The following PROX1 variants were observed in gnomAD, a reference collection of about 807,000 sequenced individuals.
The protein encoded by PROX1 is prospero homeobox 1, also known as prospero homeobox protein 1.
A neutral mutation model predicts 58.8 loss-of-function variants in PROX1; 7 were observed. The ratio of observed to expected loss-of-function variants is 0.12; its 90% CI spans 0.07 to 0.22. The LOEUF (loss-of-function observed/expected upper bound fraction) is 0.22. Among genes scored for constraint, PROX1 ranks in the 10% least tolerant of loss-of-function variants. The pLI is 1.00. For missense variants in PROX1, 675 were observed against 927.8 expected (o/e 0.73, Z 3.54); for synonymous variants, 350 against 358.3 (o/e 0.98, Z 0.26).
intron 4 of PROX1, among the ~76,000 whole-genome samples, chr1:214,016,902 C>T (rs940952932): frequency 6.6e-6 from 1 of 152,076 alleles, no homozygotes; most frequent in African/African-American, 2.4e-5. Context: ...TTTTAGCTCC[C>T]TGTGTCTTTT....
upstream of PROX1, chr1:213,984,103 TC>T (rs1662767709): frequency 6.6e-6 from 1 of 152,220 alleles, no homozygotes; most frequent in Non-Finnish European, 1.5e-5. Flanking sequence ...ACTTCACTAC[TC>T]CAGGGCAGGG....
chr1:214,015,287 G>A (rs1664055337), intron 4 of PROX1, among the ~76,000 whole-genome samples: 2 of 152,040 alleles, frequency 1.3e-5, no homozygotes, highest in Non-Finnish European at 2.9e-5. Flanking sequence ...GCAGGAGAGG[G>A]GTGTGTAATT....
At chr1:214,025,941 C>T (rs921704024) in intron 4 of PROX1, among the ~76,000 whole-genome samples, 4 of 152,224 alleles carry the variant, frequency 2.6e-5, no homozygotes, top group East Asian at 1.9e-4. Flanking sequence ...GGATTACAGG[C>T]GTGAGCCACC....
At chr1:213,987,094 C>T (rs575340257), upstream of PROX1, among the ~76,000 whole-genome samples, 5 of 152,238 alleles carry the variant, frequency 3.3e-5, no homozygotes, top group African/African-American at 1.2e-4. Context: ...AGGGTAATCG[C>T]CAGATGTTTG....
chr1:214,020,802 G>T (rs527486899), intron 4 of PROX1, among the ~76,000 whole-genome samples: 1 of 152,212 alleles, frequency 6.6e-6, no homozygotes, highest in Non-Finnish European at 1.5e-5. Flanking sequence ...GTTTTCAGGT[G>T]TAGTTAAAGG....
intron 2 of PROX1, among the ~76,000 whole-genome samples, chr1:214,002,106 T>C (rs1402984156): frequency 6.6e-6 from 1 of 152,212 alleles, no homozygotes; most frequent in Non-Finnish European, 1.5e-5. Context: ...TGCTGGGAAC[T>C]GCAGCACGTA....
At position 213,988,401 on chromosome 1, in the gene PROX1, G is replaced by A. The variant is rs1440451083; in HGVS notation, c.-150G>A. 2 of 109,710 alleles carry A rather than the reference G, an allele frequency of 1.8e-5. No homozygotes were observed. Among genetic ancestry groups the A allele is most frequent in the Admixed American group, 2.0e-4 (2 of 10,218 alleles). The allele number at this position is 109,710 out of a possible 1,614,324, so 6.8% of individuals were successfully genotyped here. A position where few individuals can be genotyped will look rare whatever the true frequency, so the allele number is the denominator to read the frequency against. ...TCGCGTGTTTTCCTCTCTCTGCCGG[G>A]GGAAAAAAAAGAGAGAGAGAGAGAT... On this transcript the variant is annotated 5_prime_UTR_variant, in exon 1 of 5. Transcript: ENST00000366958.
At chr1:214,010,011 C>T (rs780375372) in intron 3 of PROX1, among the ~76,000 whole-genome samples, 3 of 152,072 alleles carry the variant, frequency 2.0e-5, no homozygotes, top group South Asian at 4.1e-4. Context: ...TTCAGCAAAT[C>T]GTAATGGGTT....
chr1:214,019,601 C>T (rs1214468826), intron 4 of PROX1, among the ~76,000 whole-genome samples: 4 of 152,160 alleles, frequency 2.6e-5, no homozygotes, highest in African/African-American at 2.4e-5. Context: ...CAGCAGCCGT[C>T]GTGGGCCATG....
intron 3 of PROX1, among the ~76,000 whole-genome samples, chr1:214,007,153 G>C (rs751184118): frequency 1.4e-4 from 21 of 152,226 alleles, no homozygotes; most frequent in Non-Finnish European, 3.1e-4. Context: ...ACAAGAAACT[G>C]TTCCCATTCC....
chr1:214,015,876 T>G (rs1398052148), intron 4 of PROX1, among the ~76,000 whole-genome samples: 1 of 152,266 alleles, frequency 6.6e-6, no homozygotes, highest in East Asian at 1.9e-4. Context: ...CCTGGGCCCC[T>G]CAGTGGCTAG....
rs763838598 is a variant in PROX1, at chr1:214,040,407, C to A, written c.*4573C>A. 3.0e-4 allele frequency: 46 copies of A among 151,974 alleles called. No individual in the cohort carries two copies. The highest frequency in any genetic ancestry group is 1.6e-4 in the Non-Finnish European group (11 of 68,006). The allele number at this position is 151,974 out of a possible 1,614,324, so 9.4% of individuals were successfully genotyped here. A position where few individuals can be genotyped will look rare whatever the true frequency, so the allele number is the denominator to read the frequency against. ...TAAGCAGAAAAGGCAAACAAGCTTA[C>A]CTTCTTTTGTGAAAACGTATTCATT... On this transcript the variant is annotated 3_prime_UTR_variant, in exon 5 of 5. Coordinates refer to ENST00000366958, the MANE Select transcript of PROX1 (RefSeq NM_001270616.2).
intron 2 of PROX1, among the ~76,000 whole-genome samples, chr1:214,002,405 C>CTTTTT (rs1558173747): frequency 1.6e-5 from 2 of 121,534 alleles, no homozygotes; most frequent in African/African-American, 6.5e-5. Context: ...TTTTTTTTTT[C>CTTTTT]TTTTTTCTTT....
rs1006733954 is a variant in PROX1 at position 213,998,317 on chromosome 1, G to A, written c.1725+57G>A. On this transcript the variant is annotated intron_variant, in intron 2 of 4. Coordinates refer to ENST00000366958, the MANE Select transcript of PROX1 (RefSeq NM_001270616.2). ...CAAACCAAAAAAGGTTTCCCAAAAG[G>A]TTGGGTTTACACAATATCTAGAGTA... 3 of 1,507,582 alleles carry A rather than the reference G, an allele frequency of 2.0e-6. No homozygotes were observed. In the Admixed American group the frequency reaches 6.7e-5, roughly 34 times the overall value. The allele number at this position is 1,507,582 out of a possible 1,614,324, so 93.4% of individuals were successfully genotyped here.
At chr1:214,010,299 C>T (rs983030748) in intron 3 of PROX1, among the ~76,000 whole-genome samples, 1 of 152,180 alleles carries the variant, frequency 6.6e-6, no homozygotes, top group African/African-American at 2.4e-5. Context: ...AGTCTCTCTG[C>T]TTCTGTTTCC....
At chr1:214,015,407 T>C (rs1054990984) in intron 4 of PROX1, among the ~76,000 whole-genome samples, 1 of 152,142 alleles carries the variant, frequency 6.6e-6, no homozygotes, top group African/African-American at 2.4e-5. Flanking sequence ...CTCACTTCAC[T>C]TTGAAGGGCT....
intron 4 of PROX1, among the ~76,000 whole-genome samples, chr1:214,028,254 A>C (rs1442860772): frequency 2.0e-5 from 3 of 152,130 alleles, no homozygotes; most frequent in Non-Finnish European, 4.4e-5. Flanking sequence ...CAAGCATCCT[A>C]ATAAAATTCA....
intron 2 of PROX1, among the ~76,000 whole-genome samples, chr1:214,003,966 G>A (rs1663615720): frequency 6.6e-6 from 1 of 152,178 alleles, no homozygotes; most frequent in South Asian, 2.1e-4. Flanking sequence ...GGGTAGTTGT[G>A]TGAGTGTGTT....
intron 4 of PROX1, among the ~76,000 whole-genome samples, chr1:214,033,493 G>A (rs1435789776): frequency 6.6e-6 from 1 of 152,174 alleles, no homozygotes. Flanking sequence ...AGCTACTCAG[G>A]AGGCTAAGGC....
Sources: allele counts gnomAD v4.1 joint callset (sites outside exome capture counted in the v4.1 genomes callset), GRCh38; gene constraint gnomAD v4.1.1; transcripts MANE v1.5; gene names NCBI Gene and HGNC (gene_info 2026-07-23, HGNC 2026-07-21).